ZNF610: variants seen among roughly 807,000 people sequenced by gnomAD.
ZNF610 encodes zinc finger protein 610.
Under a neutral mutation model 14.1 loss-of-function variants are expected in ZNF610, and 14 were observed. The ratio of observed to expected loss-of-function variants is 0.99; its 90% confidence interval spans 0.65 to 1.55. ZNF610 has a LOEUF of 1.55. Among genes scored for constraint, ZNF610 ranks in the 40% most tolerant of loss-of-function variants. The pLI, the probability that ZNF610 is intolerant of heterozygous loss-of-function variation, is 0.00. For synonymous variants in ZNF610, 185 were observed against 187.6 expected, an observed-to-expected ratio of 0.99 and a Z score of 0.11; for missense variants, 530 against 558.0, an observed-to-expected ratio of 0.95 and a Z score of 0.51.
upstream of ZNF610, among the ~76,000 whole-genome samples, chr19:52,333,521 T>C (rs1984256566): frequency 1.3e-5 from 2 of 152,212 alleles, no homozygotes; most frequent in South Asian, 2.1e-4. Flanking sequence ...TGCTAAGATT[T>C]AAGTAAAATG....
intron 5 of ZNF610, among the ~76,000 whole-genome samples, chr19:52,361,434 C>T (rs992087570): frequency 1.3e-5 from 2 of 152,106 alleles, no homozygotes; most frequent in Admixed American, 6.5e-5. Flanking sequence ...GCCTCGGCCT[C>T]CCAAATTGCT....
At position 52,366,657 on chromosome 19, in the gene ZNF610, C is replaced by T. The variant is rs1986092852; in HGVS notation, c.1279C>T (p.Pro427Ser). The part of the protein sequence containing the change: ...NHQRIHTGER[P>S]YKCNACGKVF... ...TCAGAGAATTCATACTGGAGAGAGA[C>T]CTTACAAGTGTAATGCATGTGGCAA... The change falls in exon 6 of 6, where the codon CCT (proline) becomes TCT (serine). Residue 427 changes from proline (P) to serine (S), a missense_variant. Physicochemically the swap from Pro to Ser is moderately conservative, Grantham distance 74 (BLOSUM62 -1). Transcript: ENST00000403906. 1 of 1,614,202 alleles carries T rather than the reference C, an allele frequency of 6.2e-7. No individual in the cohort carries two copies. Among genetic ancestry groups the T allele is most frequent in the Non-Finnish European group, 8.5e-7 (1 of 1,180,030 alleles).
At chr19:52,340,339 C>T (rs1470984068) in intron 1 of ZNF610, among the ~76,000 whole-genome samples, 4 of 152,106 alleles carry the variant, frequency 2.6e-5, no homozygotes, top group Admixed American at 6.5e-5. Context: ...GCTAAGACCG[C>T]GCCACTGCAC....
intron 2 of ZNF610, chr19:52,348,195 T>C (rs1985057321): frequency 6.6e-6 from 1 of 152,180 alleles, no homozygotes; most frequent in African/African-American, 2.4e-5. Context: ...TGAAAACACA[T>C]TTCTCAGAAC....
intron 1 of ZNF610, among the ~76,000 whole-genome samples, chr19:52,344,311 A>C (rs981277458): frequency 8.9e-6 from 1 of 112,196 alleles, no homozygotes; most frequent in African/African-American, 3.4e-5. Context: ...CCTTCTTAGG[A>C]TTCTGTGACC....
intron 1 of ZNF610, among the ~76,000 whole-genome samples, chr19:52,341,267 C>T (rs1422327952): frequency 3.3e-5 from 5 of 152,132 alleles, no homozygotes; most frequent in African/African-American, 4.8e-5. Context: ...ATTGCTCCTG[C>T]GACCTGTTTC....
chr19:52,350,819 G>A (rs1354388167), intron 3 of ZNF610, among the ~76,000 whole-genome samples: 1 of 152,036 alleles, frequency 6.6e-6, no homozygotes, highest in African/African-American at 2.4e-5. Flanking sequence ...TGACCAACAT[G>A]GAGAAACTCC....
chr19:52,336,729 A>G (rs979367520), intron 1 of ZNF610, among the ~76,000 whole-genome samples: 9 of 151,948 alleles, frequency 5.9e-5, no homozygotes, highest in African/African-American at 2.2e-4. Context: ...CACTTCTAAT[A>G]ATTCAGCCCC....
At chr19:52,339,153 G>C (rs1485955906) in intron 1 of ZNF610, among the ~76,000 whole-genome samples, 1 of 151,930 alleles carries the variant, frequency 6.6e-6, no homozygotes, top group Non-Finnish European at 1.5e-5. Flanking sequence ...CTCACCTCCA[G>C]CCCTAAGGCG....
chr19:52,332,508 A>G (rs939454298), upstream of ZNF610, among the ~76,000 whole-genome samples: 2 of 152,264 alleles, frequency 1.3e-5, no homozygotes, highest in Admixed American at 6.5e-5. The surrounding 1 kb of genome is among the most constrained non-coding windows in gnomAD (Gnocchi z 4.1). Flanking sequence ...ATCTGAAAGA[A>G]TATGTTGCTC....
intron 2 of ZNF610, among the ~76,000 whole-genome samples, chr19:52,348,837 G>A (rs1310312152): frequency 6.6e-6 from 1 of 152,202 alleles, no homozygotes; most frequent in Non-Finnish European, 1.5e-5. Flanking sequence ...ATAGAGAGGG[G>A]AGGAGGGGCT....
rs749389372 is a variant in ZNF610 at position 52,366,668 on chromosome 19, T to A, written c.1290T>A (p.Cys430Ter). 10 of 1,614,136 alleles carry A rather than the reference T, an allele frequency of 6.2e-6. No homozygotes were observed. The African/African-American group carries it at 1.3e-4, about 22-fold the overall frequency. Reference protein sequence around the residue: ...RIHTGERPYKCNACGKVFNQN... With the variant: ...RIHTGERPYK ...ATACTGGAGAGAGACCTTACAAGTG[T>A]AATGCATGTGGCAAGGTCTTCAATC... The change falls in exon 6 of 6, where the codon TGT (cysteine) becomes TGA (stop). Residue 430 changes from cysteine (C) to a stop codon, truncating the protein, a stop_gained. Coordinates refer to ENST00000403906, the MANE Select transcript of ZNF610 (RefSeq NM_001161425.2). LOFTEE classifies it low-confidence loss of function (END_TRUNC).
At chr19:52,337,781 G>A (rs908034523) in intron 1 of ZNF610, among the ~76,000 whole-genome samples, 6 of 152,172 alleles carry the variant, frequency 3.9e-5, no homozygotes, top group Admixed American at 3.9e-4. Context: ...TACAGATGAA[G>A]ATGAGACTTG....
upstream of ZNF610, among the ~76,000 whole-genome samples, chr19:52,331,479 A>G (rs1984211047): frequency 6.6e-6 from 1 of 152,230 alleles, no homozygotes; most frequent in South Asian, 2.1e-4. Context: ...GGATCCTGGC[A>G]GAGAAAAGGT....
intron 1 of ZNF610, chr19:52,344,223 C>G (rs1984825419): frequency 6.6e-6 from 1 of 152,420 alleles, no homozygotes; most frequent in Admixed American, 6.6e-5. Context: ...CTGGGCTGTT[C>G]CTCTGCCTGG....
intron 1 of ZNF610, among the ~76,000 whole-genome samples, chr19:52,339,677 C>G (rs1984578900): frequency 1.3e-5 from 2 of 152,156 alleles, no homozygotes; most frequent in Admixed American, 6.5e-5. Flanking sequence ...TCTCTTATGT[C>G]TACTTCTTTC....
rs1985413956 is a variant in ZNF610, at chr19:52,354,328, A to T, written c.268A>T (p.Lys90Ter). The change falls in exon 5 of 6, where the codon AAA becomes TAA. Residue 90 changes from lysine (K) to a stop codon, truncating the protein, a stop_gained. Transcript: ENST00000403906. LOFTEE classifies it high-confidence loss of function. ...GCCCTTGATTCTGCAAAGTCAAGTT[A>T]AAATAGTAAAAAATACAGATGGAAG... ...REPLILQSQV[K>*]IVKNTDGREC... The T allele has an allele frequency of 6.2e-7, 1 of 1,614,204 alleles. No individual in the cohort carries two copies. The highest frequency in any genetic ancestry group is 8.5e-7 in the Non-Finnish European group (1 of 1,180,028).
At chr19:52,350,287 C>G (rs772515741) in intron 3 of ZNF610, among the ~76,000 whole-genome samples, 1 of 152,210 alleles carries the variant, frequency 6.6e-6, no homozygotes, top group Non-Finnish European at 1.5e-5. Flanking sequence ...CTCCCCTGCC[C>G]TGCCCTGTGC....
chr19:52,352,230 T>A (rs1239321689), intron 3 of ZNF610, among the ~76,000 whole-genome samples: 3 of 152,010 alleles, frequency 2.0e-5, no homozygotes, highest in African/African-American at 7.3e-5. Context: ...AGAAGGAAAC[T>A]TGTTTTCTTT....
Sources: gnomAD v4.1 joint callset for allele counts (sites outside exome capture counted in the v4.1 genomes callset) on GRCh38, gnomAD v4.1.1 for gene constraint, Gnocchi (gnomAD v3.1) non-coding constraint, MANE v1.5 for transcripts, NCBI Gene and HGNC (gene_info 2026-07-23, HGNC 2026-07-21) for gene names.